Variants in SHB observed in about 807,000 individuals in gnomAD.
The protein encoded by SHB is SH2 domain containing adaptor protein B.
A neutral mutation model predicts 52.3 loss-of-function variants in SHB; 20 were observed. That is an observed-to-expected ratio of 0.38 (90% confidence interval 0.27 to 0.56). The LOEUF (loss-of-function observed/expected upper bound fraction) is 0.56. Among genes scored for constraint, SHB ranks in the 20% least tolerant of loss-of-function variants. SHB has a pLI of 0.71. For synonymous variants in SHB, 397 were observed against 316.5 expected (o/e 1.25, Z -2.70); for missense variants, 825 against 723.3 (o/e 1.14, Z -1.61).
At chr9:37,928,112 C>G (rs1202450176) in intron 5 of SHB, among the ~76,000 whole-genome samples, 2 of 152,222 alleles carry the variant, frequency 1.3e-5, no homozygotes, top group African/African-American at 2.4e-5. Context: ...GTCCCCTCCC[C>G]CTGGGCCTCA....
chr9:37,998,102 C>T (rs1199740378), intron 2 of SHB, among the ~76,000 whole-genome samples: 1 of 152,212 alleles, frequency 6.6e-6, no homozygotes, highest in Non-Finnish European at 1.5e-5. Flanking sequence ...CCGTGCCCAA[C>T]TGCCTGCTTG....
In SHB at chr9:37,986,799, T is replaced by G. The variant is rs540509216; in HGVS notation, c.839-11962A>C. On this transcript the variant is annotated intron_variant, in intron 2 of 5. Coordinates refer to ENST00000377707, the MANE Select transcript of SHB (RefSeq NM_003028.3). ...GCGGGCATCCCCGGGGCCCCTGTGC[T>G]GCAGAGAGCCAGGGCCCAGCAGGGA... is the stretch of plus-strand genomic sequence containing the variant. Among the ~76,000 whole-genome samples the G allele has an allele frequency of 2.6e-5, 4 of 152,322 alleles. No individual in the cohort carries two copies. The South Asian group carries it at 8.3e-4, about 32-fold the overall frequency.
intron 1 of SHB, among the ~76,000 whole-genome samples, chr9:38,057,230 A>G (rs1217677342): frequency 6.6e-6 from 1 of 152,254 alleles, no homozygotes; most frequent in Non-Finnish European, 1.5e-5. Flanking sequence ...AATATTTAAG[A>G]TATTGTAGAC....
intron 5 of SHB, among the ~76,000 whole-genome samples, chr9:37,945,581 C>T (rs1832482452): frequency 6.6e-6 from 1 of 152,226 alleles, no homozygotes; most frequent in African/African-American, 2.4e-5. Context: ...GATCTAATGC[C>T]TCTAGATCTG....
chr9:37,937,458 AAAGAT>A (rs1487618191), intron 5 of SHB, among the ~76,000 whole-genome samples: 1 of 152,190 alleles, frequency 6.6e-6, no homozygotes, highest in Middle Eastern at 3.4e-3. Context: ...TAATCTTTAA[AAAGAT>A]AAGAAAAAAA....
chr9:38,014,482 C>T (rs1821184681), intron 2 of SHB, among the ~76,000 whole-genome samples: 1 of 152,240 alleles, frequency 6.6e-6, no homozygotes, highest in Non-Finnish European at 1.5e-5. Flanking sequence ...GTGAGGACTC[C>T]CCCAGCCAGC....
intron 2 of SHB, among the ~76,000 whole-genome samples, chr9:38,000,041 G>C (rs189131488): frequency 1.3e-5 from 2 of 152,324 alleles, no homozygotes; most frequent in Admixed American, 1.3e-4. Flanking sequence ...CACCTGAGTG[G>C]GTGGTTTCCA....
intron 2 of SHB, among the ~76,000 whole-genome samples, chr9:37,980,901 T>A (rs56198718): frequency 0.57 from 86,506 of 151,560 alleles, 25,039 homozygotes; most frequent in East Asian, 0.77. Context: ...TTTTTTTCCT[T>A]AAAGTTGGTC....
intron 2 of SHB, among the ~76,000 whole-genome samples, chr9:38,012,293 G>A (rs1158877351): frequency 6.6e-6 from 1 of 152,218 alleles, no homozygotes; most frequent in Non-Finnish European, 1.5e-5. Flanking sequence ...CCACATGATG[G>A]TTCAAACAGG....
At position 37,919,772 on chromosome 9, in the gene SHB, C is replaced by T. The variant is rs1357029425; in HGVS notation, c.*49G>A. ...GGGCTGGTTGGTGGGGGGCCTCTGG[C>T]ACCTCCAAGTCTCAGGCTCTGTCAC... On this transcript the variant is annotated 3_prime_UTR_variant, in exon 6 of 6. Transcript: ENST00000377707. 1.3e-6 allele frequency: 2 copies of T among 1,522,636 alleles called. No homozygotes were observed. The highest frequency in any genetic ancestry group is 2.3e-5 in the South Asian group (2 of 87,230). The allele number at this position is 1,522,636 out of a possible 1,614,324, so 94.3% of individuals were successfully genotyped here.
chr9:38,052,844 C>T (rs1821767932), intron 1 of SHB, among the ~76,000 whole-genome samples: 1 of 152,208 alleles, frequency 6.6e-6, no homozygotes, highest in Non-Finnish European at 1.5e-5. Context: ...TCAGAGGGCC[C>T]CTCTCCCGGG....
intron 3 of SHB, among the ~76,000 whole-genome samples, chr9:37,956,377 C>T (rs1439568529): frequency 6.6e-6 from 1 of 152,214 alleles, no homozygotes; most frequent in East Asian, 1.9e-4. Context: ...CTTGGGGGAA[C>T]TCTGTCCTCT....
intron 4 of SHB, among the ~76,000 whole-genome samples, chr9:37,952,922 G>A (rs1350260639): frequency 1.3e-5 from 2 of 152,070 alleles, no homozygotes; most frequent in Non-Finnish European, 2.9e-5. Flanking sequence ...TAGGAGTCAG[G>A]AGCTCTGGGA....
intron 1 of SHB, among the ~76,000 whole-genome samples, chr9:38,065,153 A>T (rs1051632433): frequency 5.9e-5 from 9 of 152,182 alleles, no homozygotes; most frequent in African/African-American, 1.7e-4. Flanking sequence ...TCCTGGATCC[A>T]TGAGTGAGGG....
At position 37,979,870 on chromosome 9, in the gene SHB, A is replaced by G. The variant is rs149326493; in HGVS notation, c.839-5033T>C. 1.8e-3 allele frequency among the ~76,000 whole-genome samples: 281 copies of G among 152,338 alleles called. 1 individual carries two copies. Among genetic ancestry groups the G allele is most frequent in the Middle Eastern group, 3.4e-3 (1 of 294 alleles). On this transcript the variant is annotated intron_variant, in intron 2 of 5. Coordinates refer to ENST00000377707, the MANE Select transcript of SHB (RefSeq NM_003028.3). Reference sequence around the variant, plus strand: ...TGGTTTTCCAATGCACACAAAAGTTATATTTATATTATACTGTAGTTTATT... The same window carrying G: ...TGGTTTTCCAATGCACACAAAAGTTGTATTTATATTATACTGTAGTTTATT...
Position 37,936,681 on chromosome 9 carries a change from G to A in SHB, c.1346+11954C>T, listed in dbSNP as rs544242214. On this transcript the variant is annotated intron_variant, in intron 5 of 5. Transcript: ENST00000377707. ...GCAAATTTAGAAAGCAAGGTCCCAG[G>A]GTTTATGTACCTAGATTTTTTTCCT... 9 of 152,274 alleles carry A rather than the reference G, an allele frequency of 5.9e-5. No homozygotes were observed. The South Asian group carries it at 1.7e-3, about 28-fold the overall frequency. The allele number at this position is 152,274 out of a possible 1,614,324, so 9.4% of individuals were successfully genotyped here. A position where few individuals can be genotyped will look rare whatever the true frequency, so the allele number is the denominator to read the frequency against.
intron 2 of SHB, among the ~76,000 whole-genome samples, chr9:38,000,679 G>A (rs911117869): frequency 1.3e-5 from 2 of 152,210 alleles, no homozygotes; most frequent in Non-Finnish European, 2.9e-5. Context: ...AAGTCTTTGG[G>A]GGCTGCTCCT....
chr9:38,034,763 C>T (rs532536620), intron 1 of SHB, among the ~76,000 whole-genome samples: 3 of 152,260 alleles, frequency 2.0e-5, no homozygotes, highest in Non-Finnish European at 2.9e-5. Context: ...GTGGTGCGAT[C>T]TCAGCTCACT....
intron 4 of SHB, among the ~76,000 whole-genome samples, chr9:37,953,805 C>T (rs1162016441): frequency 1.3e-5 from 2 of 152,140 alleles, no homozygotes; most frequent in East Asian, 3.9e-4. Context: ...AGGCTCTAAC[C>T]GAAATGGGAT....
Sources: gnomAD v4.1 joint callset for allele counts (sites outside exome capture counted in the v4.1 genomes callset) on GRCh38, gnomAD v4.1.1 for gene constraint, MANE v1.5 for transcripts, NCBI Gene and HGNC (gene_info 2026-07-23, HGNC 2026-07-21) for gene names.